G3BP2: variants seen among roughly 807,000 people sequenced by gnomAD.
G3BP2 encodes ras GTPase-activating protein-binding protein 2.
Under a neutral mutation model 56.7 loss-of-function variants are expected in G3BP2, and 11 were observed. That is an observed-to-expected ratio of 0.19 (90% confidence interval 0.12 to 0.32). G3BP2 has a LOEUF of 0.32. Among genes scored for constraint, G3BP2 ranks in the 10% least tolerant of loss-of-function variants. The probability of loss-of-function intolerance (pLI) is 1.00; values close to 1 mark genes in which losing one functional copy is unlikely to be tolerated. For synonymous variants in G3BP2, 165 were observed against 191.6 expected, an observed-to-expected ratio of 0.86 and a Z score of 1.15; for missense variants, 340 against 610.9, an observed-to-expected ratio of 0.56 and a Z score of 4.67.
intron 3 of G3BP2, among the ~76,000 whole-genome samples, chr4:75,719,020 T>C (rs1410535751): frequency 6.6e-6 from 1 of 151,976 alleles, no homozygotes; most frequent in African/African-American, 2.4e-5. Flanking sequence ...AGGGCTGGAG[T>C]TGAAGACTTA....
At position 75,722,932 on chromosome 4, in the gene G3BP2, A is replaced by G. The variant is rs116550315; in HGVS notation, c.-165-688T>C. On this transcript the variant is annotated intron_variant, in intron 1 of 3. Transcript: ENST00000499709. The stretch of plus-strand genomic sequence containing the variant: ...CCATCAATATCACCTTTTATGAGAC[A>G]GTGGTAAGCAACAGAGATATAAAAT... 4.3e-3 allele frequency among the ~76,000 whole-genome samples: 658 copies of G among 152,342 alleles called. 6 individuals carry two copies. Among genetic ancestry groups the G allele is most frequent in the African/African-American group, 0.015 (612 of 41,568 alleles).
At chr4:75,691,024 C>T (rs939188398) in intron 3 of G3BP2, among the ~76,000 whole-genome samples, 4 of 151,950 alleles carry the variant, frequency 2.6e-5, no homozygotes, top group African/African-American at 2.4e-5. Flanking sequence ...TTTTTATTCC[C>T]CTGACTCCCA....
At chr4:75,686,869 C>T (rs553113315) in intron 3 of G3BP2, among the ~76,000 whole-genome samples, 1 of 152,278 alleles carries the variant, frequency 6.6e-6, no homozygotes, top group South Asian at 2.1e-4. Flanking sequence ...CTGGGCTTAA[C>T]TTCCATAAAT....
chr4:75,670,440 G>C (rs1252722346), intron 1 of G3BP2: 1 of 152,160 alleles, frequency 6.6e-6, no homozygotes, highest in Non-Finnish European at 1.5e-5. Flanking sequence ...AAGAATCATA[G>C]TGGTACAAAT....
Position 75,673,252 on chromosome 4 carries a change from G to A in G3BP2, c.-69C>T. ...CGGGTACGTCGCGCGGAGGTCAGAAGAGTCGCTGAGGACCGGGTGCGGCGG... is the reference window on the plus strand; with the variant it reads ...CGGGTACGTCGCGCGGAGGTCAGAAAAGTCGCTGAGGACCGGGTGCGGCGG... On this transcript the variant is annotated 5_prime_UTR_variant, in exon 1 of 12. Transcript: ENST00000359707. 3.3e-6 allele frequency: 4 copies of A among 1,222,122 alleles called. No homozygotes were observed. The highest frequency in any genetic ancestry group is 4.1e-6 in the Non-Finnish European group (4 of 982,028). The allele number at this position is 1,222,122 out of a possible 1,614,324, so 75.7% of individuals were successfully genotyped here.
intron 3 of G3BP2, among the ~76,000 whole-genome samples, chr4:75,716,618 C>T (rs766357228): frequency 1.3e-5 from 2 of 152,104 alleles, no homozygotes; most frequent in African/African-American, 2.4e-5. Flanking sequence ...CAGGTTCAAG[C>T]GATTCTCCTG....
intron 3 of G3BP2, among the ~76,000 whole-genome samples, chr4:75,719,135 T>C (rs933111573): frequency 6.6e-6 from 1 of 151,614 alleles, no homozygotes; most frequent in Non-Finnish European, 1.5e-5. Flanking sequence ...GATCACGAGG[T>C]CAGGAGATCG....
chr4:75,720,720 C>T (rs1193543723), intron 3 of G3BP2, among the ~76,000 whole-genome samples: 1 of 150,962 alleles, frequency 6.6e-6, no homozygotes, highest in Non-Finnish European at 1.5e-5. Flanking sequence ...CGCTTGAACC[C>T]GGGAGGCCGA....
chr4:75,667,363 A>G (rs1733133959), intron 1 of G3BP2, among the ~76,000 whole-genome samples: 1 of 152,082 alleles, frequency 6.6e-6, no homozygotes, highest in Non-Finnish European at 1.5e-5. Flanking sequence ...AAGTTCTTAG[A>G]TTAGCACCTT....
At chr4:75,649,995 G>A (rs983373603) in intron 8 of G3BP2, among the ~76,000 whole-genome samples, 209 of 152,194 alleles carry the variant, frequency 1.4e-3, no homozygotes, top group African/African-American at 4.6e-3. Context: ...TGGGCAACAA[G>A]AGTGAAACTC....
At chr4:75,678,293 A>G (rs371528293), upstream of G3BP2, among the ~76,000 whole-genome samples, 6 of 138,276 alleles carry the variant, frequency 4.3e-5, no homozygotes, top group African/African-American at 1.7e-4. Context: ...TACCGTGCCT[A>G]GCTTGTGTGT....
intron 1 of G3BP2, chr4:75,724,138 A>T (rs1211021306): frequency 6.6e-6 from 1 of 152,330 alleles, no homozygotes; most frequent in Non-Finnish European, 1.5e-5. Context: ...CAGTGGAATG[A>T]GGGGTGTCTA....
chr4:75,644,108 C>T lies in G3BP2; in HGVS notation c.*1322G>A, dbSNP rs1026808087. 3.9e-5 allele frequency: 6 copies of T among 152,556 alleles called. No individual in the cohort carries two copies. The highest frequency in any genetic ancestry group is 1.2e-4 in the African/African-American group (5 of 41,418). 9.5% of individuals were successfully genotyped at this position (152,556 alleles called of 1,614,324 possible). On this transcript the variant is annotated 3_prime_UTR_variant, in exon 12 of 12. Coordinates refer to ENST00000359707, the MANE Select transcript of G3BP2 (RefSeq NM_203505.3). ...CTTAAAGAGCTGCTGTTCTTTTCTC[C>T]GAAAATTGCAGTATCCTCACTTCAG...
intron 3 of G3BP2, among the ~76,000 whole-genome samples, chr4:75,720,005 T>TGGG (rs1002413329): frequency 8.5e-6 from 1 of 117,716 alleles, no homozygotes. Context: ...TGGAGCAGGA[T>TGGG]GGGGGGGCCC....
chr4:75,657,465 T>C, intron 4 of G3BP2, 92 bp downstream of exon 4: 3 of 878,634 alleles, frequency 3.4e-6, no homozygotes, highest in Non-Finnish European at 3.5e-6. Context: ...AAAATAACAA[T>C]ATGCAAATCT....
At chr4:75,659,629 C>A (rs567794787) in intron 2 of G3BP2, among the ~76,000 whole-genome samples, 3 of 152,176 alleles carry the variant, frequency 2.0e-5, no homozygotes, top group Non-Finnish European at 4.4e-5. Flanking sequence ...CATGTAAGAG[C>A]TTCCTTTATG....
chr4:75,660,079 C>T (rs1012378854), intron 2 of G3BP2, among the ~76,000 whole-genome samples: 1 of 152,104 alleles, frequency 6.6e-6, no homozygotes, highest in Non-Finnish European at 1.5e-5. Context: ...CCTGAATTTT[C>T]ATTAAGAAAG....
intron 2 of G3BP2, among the ~76,000 whole-genome samples, chr4:75,721,256 T>G (rs1054457663): frequency 6.6e-6 from 1 of 150,438 alleles, no homozygotes; most frequent in African/African-American, 2.5e-5. Context: ...TAGTCTTTTT[T>G]TTTTTTTTTT....
intron 2 of G3BP2, among the ~76,000 whole-genome samples, chr4:75,659,921 T>A (rs1414310106): frequency 2.0e-5 from 3 of 152,218 alleles, no homozygotes; most frequent in Admixed American, 6.5e-5. Flanking sequence ...TGTATACACA[T>A]GAAAAGCCTC....
Sources: gnomAD v4.1 joint callset for allele counts (sites outside exome capture counted in the v4.1 genomes callset) on GRCh38, gnomAD v4.1.1 for gene constraint, MANE v1.5 for transcripts, NCBI Gene and HGNC (gene_info 2026-07-23, HGNC 2026-07-21) for gene names.